Variants in BCKDHB observed in about 807,000 individuals in gnomAD.
BCKDHB encodes the protein branched chain keto acid dehydrogenase E1 subunit beta, also known as 2-oxoisovalerate dehydrogenase subunit beta, mitochondrial.
BCKDHB carries 41 observed loss-of-function variants against 48.5 expected under a neutral mutation model. That is an observed-to-expected ratio of 0.85 (90% confidence interval 0.66 to 1.10). The LOEUF is 1.10. Among genes scored for constraint, BCKDHB ranks in the 50% least tolerant of loss-of-function variants. The pLI is 0.00. For missense variants in BCKDHB, 496 were observed against 494.2 expected (o/e 1.00, Z -0.03); for synonymous variants, 201 against 174.8 (o/e 1.15, Z -1.18).
the BCKDHB span, among the ~76,000 whole-genome samples, chr6:80,452,510 GA>G: frequency 5.3e-5 from 8 of 151,620 alleles, no homozygotes; most frequent in African/African-American, 9.7e-5. Context: ...GCTTAAAGGA[GA>G]AAAAAAATCA....
At chr6:80,464,862 G>A in the BCKDHB span, among the ~76,000 whole-genome samples, 3 of 152,340 alleles carry the variant, frequency 2.0e-5, no homozygotes, top group Admixed American at 1.3e-4. Context: ...GGTAAGTGGT[G>A]CAGCCAAGAA....
chr6:80,252,103 T>C (rs112005961), intron 8 of BCKDHB, among the ~76,000 whole-genome samples: 90 of 152,310 alleles, frequency 5.9e-4, no homozygotes, highest in Non-Finnish European at 1.1e-3. Flanking sequence ...TACTTCATCA[T>C]TTTTATAGGC....
the BCKDHB span, among the ~76,000 whole-genome samples, chr6:80,424,329 G>T: frequency 6.6e-6 from 1 of 152,252 alleles, no homozygotes; most frequent in South Asian, 2.1e-4. Flanking sequence ...TTAAGTTAAA[G>T]GTCTCTAAAG....
At chr6:80,134,983 C>T (rs1012039481) in intron 3 of BCKDHB, among the ~76,000 whole-genome samples, 1 of 152,074 alleles carries the variant, frequency 6.6e-6, no homozygotes, top group Admixed American at 6.6e-5. Flanking sequence ...ACCTCCTGAC[C>T]TCAAGTGATC....
the BCKDHB span, among the ~76,000 whole-genome samples, chr6:80,366,891 TAGG>T: frequency 6.6e-6 from 1 of 152,196 alleles, no homozygotes; most frequent in Non-Finnish European, 1.5e-5. Context: ...CTGGCAGAAT[TAGG>T]AGGTGAGCCA....
At chr6:80,236,408 A>G (rs1776148488) in intron 8 of BCKDHB, among the ~76,000 whole-genome samples, 1 of 152,246 alleles carries the variant, frequency 6.6e-6, no homozygotes. Flanking sequence ...TCTGTTGTTC[A>G]TAATGTAAAT....
chr6:80,301,385 G>A (rs576009673), intron 9 of BCKDHB, among the ~76,000 whole-genome samples: 7 of 152,252 alleles, frequency 4.6e-5, no homozygotes, highest in African/African-American at 1.7e-4. Flanking sequence ...GATCCTCATA[G>A]AATACTGTGG....
At chr6:80,282,654 C>T (rs1300875818) in intron 9 of BCKDHB, among the ~76,000 whole-genome samples, 2 of 151,948 alleles carry the variant, frequency 1.3e-5, no homozygotes, top group African/African-American at 2.4e-5. Context: ...TGCAAACCTA[C>T]AGGTACTTTA....
chr6:80,413,463 T>C, the BCKDHB span, among the ~76,000 whole-genome samples: 2 of 152,142 alleles, frequency 1.3e-5, no homozygotes, highest in African/African-American at 4.8e-5. Context: ...CCTCCACTCT[T>C]TGATAGGCTC....
chr6:80,358,207 T>C, the BCKDHB span, among the ~76,000 whole-genome samples: 2 of 152,182 alleles, frequency 1.3e-5, no homozygotes, highest in African/African-American at 4.8e-5. Context: ...ACTATTTCTT[T>C]TTAACCTTTG....
chr6:80,458,363 A>G, the BCKDHB span, among the ~76,000 whole-genome samples: 8 of 152,366 alleles, frequency 5.3e-5, no homozygotes, highest in Non-Finnish European at 1.2e-4. Flanking sequence ...CACATGACAG[A>G]GGCTGGGCAT....
rs1770049545 is a variant in BCKDHB at position 80,343,879 on chromosome 6, G to A, written c.*75G>A. 1.3e-6 allele frequency: 2 copies of A among 1,545,778 alleles called. No individual in the cohort carries two copies. The highest frequency in any genetic ancestry group is 1.7e-5 in the Admixed American group (1 of 59,948). Reference sequence around the variant, plus strand: ...TTAACGTACTGTTAACCAAGACACAGCAATCATCAGTGTTTTGATGGTAAC... The same window carrying A: ...TTAACGTACTGTTAACCAAGACACAACAATCATCAGTGTTTTGATGGTAAC... On this transcript the variant is annotated 3_prime_UTR_variant, in exon 10 of 10. Transcript: ENST00000320393.
At chr6:80,202,140 A>C (rs73748703) in intron 7 of BCKDHB, among the ~76,000 whole-genome samples, 2,833 of 152,214 alleles carry the variant, frequency 0.019, 83 homozygotes, top group African/African-American at 0.065. Context: ...AGAGTGTATT[A>C]GGTATTAATT....
chr6:80,359,293 C>T, the BCKDHB span, among the ~76,000 whole-genome samples: 4,635 of 152,254 alleles, frequency 0.03, 102 homozygotes, highest in South Asian at 0.069. Flanking sequence ...AATCTTTGGG[C>T]TCTCTTCCCT....
intron 8 of BCKDHB, among the ~76,000 whole-genome samples, chr6:80,257,899 C>T (rs1017184831): frequency 6.6e-6 from 1 of 151,908 alleles, no homozygotes; most frequent in Non-Finnish European, 1.5e-5. Flanking sequence ...TTGGATGGTG[C>T]CTGACTGCAA....
At chr6:80,211,018 G>T (rs742834) in intron 8 of BCKDHB, among the ~76,000 whole-genome samples, 3 of 151,980 alleles carry the variant, frequency 2.0e-5, no homozygotes, top group African/African-American at 7.3e-5. Flanking sequence ...TTCAGAGAAG[G>T]TGCCTTCAAA....
the BCKDHB span, among the ~76,000 whole-genome samples, chr6:80,406,554 G>T: frequency 3.7e-4 from 57 of 152,290 alleles, no homozygotes; most frequent in African/African-American, 1.3e-3. Flanking sequence ...CATTCTAACT[G>T]GTGTGAGATG....
intron 9 of BCKDHB, among the ~76,000 whole-genome samples, chr6:80,286,308 G>A (rs1381701143): frequency 2.0e-5 from 3 of 152,140 alleles, no homozygotes; most frequent in Non-Finnish European, 4.4e-5. Flanking sequence ...TAGAACAAAT[G>A]TCTTATTTTG....
rs1210461726 is a variant in BCKDHB at position 80,106,676 on chromosome 6, T to G, written c.-18T>G. ...GGCGTGCGGCTGCATAGCCTGAGAATCCCGGTGGTGAGCGGGGATGGCGGT... is the reference window on the plus strand; with the variant it reads ...GGCGTGCGGCTGCATAGCCTGAGAAGCCCGGTGGTGAGCGGGGATGGCGGT... On this transcript the variant is annotated 5_prime_UTR_variant, in exon 1 of 10. Coordinates refer to ENST00000320393, the MANE Select transcript of BCKDHB (RefSeq NM_183050.4). 1.3e-6 allele frequency: 2 copies of G among 1,549,716 alleles called. No homozygotes were observed. Among genetic ancestry groups the G allele is most frequent in the Admixed American group, 2.0e-5 (1 of 51,184 alleles).
Sources: allele counts gnomAD v4.1 joint callset (sites outside exome capture counted in the v4.1 genomes callset), GRCh38; gene constraint gnomAD v4.1.1; transcripts MANE v1.5; gene names NCBI Gene and HGNC (gene_info 2026-07-23, HGNC 2026-07-21).